DAPK2: variants seen among roughly 807,000 people sequenced by gnomAD.
DAPK2 encodes death-associated protein kinase 2.
DAPK2 carries 35 observed loss-of-function variants against 44.1 expected under a neutral mutation model. That is an observed-to-expected ratio of 0.79 (90% CI 0.61 to 1.05). The LOEUF (loss-of-function observed/expected upper bound fraction) is 1.05, where lower values mean the gene tolerates loss of function less well. Among genes scored for constraint, DAPK2 ranks in the 50% least tolerant of loss-of-function variants. The pLI, the probability that DAPK2 is intolerant of heterozygous loss-of-function variation, is 0.00. For missense variants in DAPK2, 453 were observed against 483.2 expected (o/e 0.94, Z 0.59); for synonymous variants, 174 against 182.6 (o/e 0.95, Z 0.38).
At chr15:63,911,759 G>C (rs2078797985) in intron 10 of DAPK2, 149 bp downstream of exon 11, 1 of 781,268 alleles carries the variant, frequency 1.3e-6, no homozygotes, top group Non-Finnish European at 2.1e-6. Context: ...TCACACTTCA[G>C]CCTTCAGGGA....
At position 63,912,915 on chromosome 15, in the gene DAPK2, C is replaced by T. The variant is rs74396303; in HGVS notation, c.859-718G>A. 0.021 allele frequency among the ~76,000 whole-genome samples: 3,186 copies of T among 152,212 alleles called. 98 individuals carry two copies. Among genetic ancestry groups the T allele is most frequent in the African/African-American group, 0.073 (3,049 of 41,516 alleles). On this transcript the variant is annotated intron_variant, in intron 8 of 10. Coordinates refer to ENST00000261891, the Ensembl canonical transcript of DAPK2. The surrounding 1 kb of genome is among the most constrained non-coding windows in gnomAD (Gnocchi z 4.4). The stretch of plus-strand genomic sequence containing the variant: ...TTCTCCATTCCCTTTTCAACACCCC[C>T]CTTTTGTAAAATAAGGTTTTGTGAA...
rs111357282 is a variant in DAPK2, at chr15:63,980,033, C to A, written c.314+3500G>T. 1.2e-4 allele frequency among the ~76,000 whole-genome samples: 19 copies of A among 152,276 alleles called. No individual in the cohort carries two copies. Among genetic ancestry groups the A allele is most frequent in the African/African-American group, 2.2e-4 (9 of 41,544 alleles). On this transcript the variant is annotated intron_variant, in intron 2 of 10. Coordinates refer to ENST00000261891, the Ensembl canonical transcript of DAPK2. The surrounding 1 kb of genome is among the most constrained non-coding windows in gnomAD (Gnocchi z 4.3). ...AGTCTTGGAACGCTTGGGTCTTCTC[C>A]AATCTCATAAATTCTTAGCAGTCCA...
chr15:64,026,137 T>C (rs2079838122), intron 1 of DAPK2, among the ~76,000 whole-genome samples: 1 of 152,174 alleles, frequency 6.6e-6, no homozygotes, highest in Non-Finnish European at 1.5e-5. Context: ...ATCCCCTCTG[T>C]GGAAGGCCCT....
chr15:63,942,159 G>T (rs1222225110), intron 3 of DAPK2: 9 of 960,442 alleles, frequency 9.4e-6, no homozygotes, highest in Middle Eastern at 5.3e-4. Context: ...TGGAGGGGAA[G>T]AATTGAGGCT....
chr15:63,978,119 T>G (rs565844906), intron 2 of DAPK2, among the ~76,000 whole-genome samples: 11 of 152,192 alleles, frequency 7.2e-5, no homozygotes, highest in African/African-American at 1.9e-4. Context: ...AAGAAAGAAA[T>G]AAAACATTAA....
chr15:63,921,126 G>T (rs1427257058), intron 8 of DAPK2: 1 of 152,206 alleles, frequency 6.6e-6, no homozygotes, highest in Non-Finnish European at 1.5e-5. Context: ...CAGGAATCAG[G>T]CCTATTTTTA....
At position 64,015,041 on chromosome 15, in the gene DAPK2, C is replaced by A. The variant is rs190854300; in HGVS notation, c.92+25129G>T. On this transcript the variant is annotated intron_variant, in intron 1 of 10. Coordinates refer to ENST00000261891, the Ensembl canonical transcript of DAPK2. ...AGGAAGAATGCTAAGAGGAGGTGGG[C>A]AGGGAATGATGGGGAGGGAGATCTG... Among the ~76,000 whole-genome samples the A allele has an allele frequency of 1.5e-4, 23 of 151,958 alleles. No individual in the cohort carries two copies. The East Asian group carries it at 4.1e-3, about 27-fold the overall frequency.
chr15:63,921,060 C>T (rs557004064), intron 8 of DAPK2: 1 of 152,406 alleles, frequency 6.6e-6, no homozygotes, highest in African/African-American at 2.4e-5. Context: ...AGCTCTATCT[C>T]TCTGTGATTC....
In DAPK2 at chr15:63,923,494, C is replaced by G. The variant is rs1000387308; in HGVS notation, c.858+1322G>C. 2.0e-5 allele frequency among the ~76,000 whole-genome samples: 3 copies of G among 152,188 alleles called. No homozygotes were observed. The highest frequency in any genetic ancestry group is 7.2e-5 in the African/African-American group (3 of 41,440). Reference sequence around the variant, plus strand: ...GAGAACCAGGGTGGGATGAGCACCTCCTTAGGCCATAAGTGAGGTCAAGGA... The same window carrying G: ...GAGAACCAGGGTGGGATGAGCACCTGCTTAGGCCATAAGTGAGGTCAAGGA... On this transcript the variant is annotated intron_variant, in intron 8 of 10. Transcript: ENST00000261891. This position sits in a 1 kb window ranked among gnomAD's most constrained non-coding sequence, Gnocchi z 4.2.
chr15:64,002,953 T>TGTGTCGTGGGAC (rs2079125445), intron 1 of DAPK2, among the ~76,000 whole-genome samples: 1 of 126,936 alleles, frequency 7.9e-6, no homozygotes, highest in African/African-American at 3.1e-5. Flanking sequence ...TGTGTGTGTG[T>TGTGTCGTGGGAC]GTGTGTGTGT....
chr15:63,960,924 T>A (rs2140632117), intron 3 of DAPK2, among the ~76,000 whole-genome samples: 1 of 152,358 alleles, frequency 6.6e-6, no homozygotes, highest in Non-Finnish European at 1.5e-5. Context: ...GTCTTGTTGA[T>A]CTGTCTAATG....
chr15:63,932,933 C>A (rs545185709), intron 4 of DAPK2, among the ~76,000 whole-genome samples: 4 of 152,328 alleles, frequency 2.6e-5, no homozygotes, highest in South Asian at 2.1e-4. Context: ...GGTAATCCAT[C>A]GTGTGAATGT....
chr15:63,920,711 C>G (rs1009593639), intron 8 of DAPK2: 1 of 152,278 alleles, frequency 6.6e-6, no homozygotes, highest in Non-Finnish European at 1.5e-5. Flanking sequence ...TCCCCAGCAC[C>G]TGGAACCCGC....
At chr15:63,971,506 C>T in exon 3 of DAPK2, 1 of 1,614,236 alleles carries the variant, frequency 6.2e-7, no homozygotes, top group Non-Finnish European at 8.5e-7. Context: ...GTGGCCTCCT[C>T]CTCACTCAGT....
chr15:64,011,584 T>G (rs575625282), intron 1 of DAPK2, among the ~76,000 whole-genome samples: 5 of 152,310 alleles, frequency 3.3e-5, no homozygotes, highest in African/African-American at 1.2e-4. Flanking sequence ...CACTCCAGGT[T>G]GATGCTTGGA....
Position 63,908,999 on chromosome 15 carries a change from A to C in DAPK2, c.1033-399T>G. On this transcript the variant is annotated intron_variant, in intron 10 of 10. Coordinates refer to ENST00000261891, the Ensembl canonical transcript of DAPK2. This position sits in a 1 kb window ranked among gnomAD's most constrained non-coding sequence, Gnocchi z 5.7. ...GGGTGTGAGCCACAAGGTACTCCCC[A>C]TGCTTGACAGCCACCATCCCATGCC... 1 of 154,240 alleles carries C rather than the reference A, an allele frequency of 6.5e-6. No homozygotes were observed. The allele number at this position is 154,240 out of a possible 1,614,324, so 9.6% of individuals were successfully genotyped here. A position where few individuals can be genotyped will look rare whatever the true frequency, so the allele number is the denominator to read the frequency against.
chr15:63,917,321 C>T lies in DAPK2; in HGVS notation c.859-5124G>A, dbSNP rs1424595962. On this transcript the variant is annotated intron_variant, in intron 8 of 10. Transcript: ENST00000261891. This position sits in a 1 kb window ranked among gnomAD's most constrained non-coding sequence, Gnocchi z 4.4. ...GAGGTTGCAGTGAGCCAAGATCGCG[C>T]CATTGCACTCCAGCCTGGGCAACGA... 1 of 151,274 alleles carries T rather than the reference C, an allele frequency of 6.6e-6. No individual in the cohort carries two copies. Among genetic ancestry groups the T allele is most frequent in the East Asian group, 1.9e-4 (1 of 5,160 alleles). The allele number at this position is 151,274 out of a possible 1,614,324, so 9.4% of individuals were successfully genotyped here. A position where few individuals can be genotyped will look rare whatever the true frequency, so the allele number is the denominator to read the frequency against.
intron 3 of DAPK2, among the ~76,000 whole-genome samples, chr15:63,944,779 T>C (rs997789133): frequency 2.6e-5 from 4 of 152,204 alleles, no homozygotes; most frequent in African/African-American, 9.7e-5. Context: ...GTGGTCCCAC[T>C]GGCCACCGGA....
In DAPK2 at chr15:63,966,522, T is replaced by C. The variant is rs1351863960; in HGVS notation, c.453+4901A>G. On this transcript the variant is annotated intron_variant, in intron 3 of 10. Coordinates refer to ENST00000261891, the Ensembl canonical transcript of DAPK2. The surrounding 1 kb of genome is among the most constrained non-coding windows in gnomAD (Gnocchi z 5.5). ...ACTTGTCCAGGAATTGCAGTCCTTG[T>C]GGCCTAGACTTCCGTTCAAGTTTAC... is the stretch of plus-strand genomic sequence containing the variant. 6.6e-6 allele frequency among the ~76,000 whole-genome samples: 1 copy of C among 152,210 alleles called. No homozygotes were observed. Among genetic ancestry groups the C allele is most frequent in the African/African-American group, 2.4e-5 (1 of 41,444 alleles).
Sources: allele counts gnomAD v4.1 joint callset (sites outside exome capture counted in the v4.1 genomes callset), GRCh38; gene constraint gnomAD v4.1.1; non-coding constraint Gnocchi (gnomAD v3.1); transcripts MANE v1.5; gene names NCBI Gene and HGNC (gene_info 2026-07-23, HGNC 2026-07-21).